Variants in WBP1L observed in about 807,000 individuals in gnomAD.
WBP1L encodes the protein WW domain binding protein 1 like, also known as WW domain binding protein 1-like.
Under a neutral mutation model 33.7 loss-of-function variants are expected in WBP1L, and 17 were observed. That is an observed-to-expected ratio of 0.50 (90% CI 0.34 to 0.76). The LOEUF is 0.76. Among genes scored for constraint, WBP1L ranks in the 30% least tolerant of loss-of-function variants. The probability of loss-of-function intolerance (pLI) is 0.01; values close to 1 mark genes in which losing one functional copy is unlikely to be tolerated. For synonymous variants in WBP1L, 173 were observed against 190.8 expected, an observed-to-expected ratio of 0.91 and a Z score of 0.77; for missense variants, 389 against 469.4, an observed-to-expected ratio of 0.83 and a Z score of 1.58.
intron 1 of WBP1L, among the ~76,000 whole-genome samples, chr10:102,745,992 G>A (rs1342063652): frequency 6.6e-6 from 1 of 152,178 alleles, no homozygotes; most frequent in Non-Finnish European, 1.5e-5. Flanking sequence ...GCACATGTCT[G>A]TTTCTGTAAG....
rs1301583697 is a variant in WBP1L, at chr10:102,814,061, AAC to A, written c.*732_*733del. 1 of 152,210 alleles carries A rather than the reference AAC, an allele frequency of 6.6e-6. No homozygotes were observed. The highest frequency in any genetic ancestry group is 2.4e-5 in the African/African-American group (1 of 41,458). The allele number at this position is 152,210 out of a possible 1,614,324, so 9.4% of individuals were successfully genotyped here. ...TTGTTTGTTTGTTTTTTTCTCTAAA[AAC>A]AAACAGCAAAAGACAGCTGAAAACA... On this transcript the variant is annotated 3_prime_UTR_variant, in exon 4 of 4. Coordinates refer to ENST00000448841, the MANE Select transcript of WBP1L (RefSeq NM_001083913.2).
chr10:102,753,685 G>A (rs1842944859), intron 1 of WBP1L, among the ~76,000 whole-genome samples: 1 of 152,122 alleles, frequency 6.6e-6, no homozygotes. Flanking sequence ...TCTGCTCCTG[G>A]TGCTGTCGTC....
In WBP1L at chr10:102,809,876, C is replaced by A; in HGVS notation, c.194-17C>A. ...ACTCACTGTGTGCCTCTCTGTCTTG[C>A]CTTGCCCACCCCCCAGGGTTCTGGC... On this transcript the variant is annotated splice_polypyrimidine_tract_variant and intron_variant, in intron 2 of 3. Transcript: ENST00000448841. 1 of 1,602,292 alleles carries A rather than the reference C, an allele frequency of 6.2e-7. No individual in the cohort carries two copies.
chr10:102,788,242 C>T (rs1336054552), intron 1 of WBP1L, among the ~76,000 whole-genome samples: 3 of 150,866 alleles, frequency 2.0e-5, no homozygotes, highest in Non-Finnish European at 4.4e-5. Context: ...CATTCTCCTG[C>T]CTCAGCCTCC....
Position 102,813,193 on chromosome 10 carries a change from A to T in WBP1L, c.954A>T (p.Glu318Asp), listed in dbSNP as rs1397205853. The T allele has an allele frequency of 6.2e-7, 1 of 1,613,708 alleles. No homozygotes were observed. The highest frequency in any genetic ancestry group is 8.5e-7 in the Non-Finnish European group (1 of 1,180,012). The change falls in exon 4 of 4, where the codon GAA (glutamate) becomes GAT (aspartate). Residue 318 changes from glutamate to aspartate, a missense_variant. Glu to Asp is a conservative substitution (Grantham distance 45). Coordinates refer to ENST00000448841, the MANE Select transcript of WBP1L (RefSeq NM_001083913.2). ...CHVRPPGDEE[E>D]GLCQSSEEQA... ...TGCGGCCCCCTGGTGATGAGGAGGA[A>T]GGCCTCTGTCAGTCCTCTGAGGAGC...
At chr10:102,761,053 AT>A (rs1427035164) in intron 1 of WBP1L, among the ~76,000 whole-genome samples, 2 of 147,656 alleles carry the variant, frequency 1.4e-5, no homozygotes, top group Admixed American at 6.7e-5. Context: ...CACCTGGCTA[AT>A]TTTTTTTTAT....
In WBP1L at chr10:102,744,024, C is replaced by T; in HGVS notation, c.-30C>T. On this transcript the variant is annotated 5_prime_UTR_variant, in exon 1 of 4. Transcript: ENST00000448841. ...GAGGAGGAGGAGGGAGGTGGCGGCG[C>T]CGTGGCGGAGGAGCAGGAGCAGGAG... 3 of 1,509,424 alleles carry T rather than the reference C, an allele frequency of 2.0e-6. No individual in the cohort carries two copies. Among genetic ancestry groups the T allele is most frequent in the Non-Finnish European group, 2.7e-6 (3 of 1,112,904 alleles). 93.5% of individuals were successfully genotyped at this position (1,509,424 alleles called of 1,614,324 possible).
chr10:102,745,128 A>G (rs1425109789), intron 1 of WBP1L, among the ~76,000 whole-genome samples: 2 of 152,228 alleles, frequency 1.3e-5, no homozygotes, highest in Non-Finnish European at 2.9e-5. Flanking sequence ...ACATAGACGC[A>G]TAGCGTAGTG....
rs182134104 is a variant in WBP1L, at chr10:102,799,760, C to T, written c.193+1665C>T. ...CGCCTTTCCCCTTTCTCATCCCCCC[C>T]ATCAACCCCTGTGTCAGTGATATGG... On this transcript the variant is annotated intron_variant, in intron 2 of 3. Coordinates refer to ENST00000448841, the MANE Select transcript of WBP1L (RefSeq NM_001083913.2). 1.6e-4 allele frequency among the ~76,000 whole-genome samples: 25 copies of T among 152,276 alleles called. No homozygotes were observed. In the East Asian group the frequency reaches 4.8e-3, roughly 29 times the overall value.
chr10:102,799,759 C>T (rs548238618), intron 2 of WBP1L, among the ~76,000 whole-genome samples: 1 of 152,130 alleles, frequency 6.6e-6, no homozygotes, highest in African/African-American at 2.4e-5. Context: ...CTCATCCCCC[C>T]CATCAACCCC....
intron 1 of WBP1L, among the ~76,000 whole-genome samples, chr10:102,752,338 G>A (rs2249845): frequency 0.28 from 42,199 of 151,924 alleles, 6,135 homozygotes; most frequent in Admixed American, 0.3. Flanking sequence ...GAACAACATA[G>A]CATTGTGAAG....
chr10:102,757,922 G>C (rs1842997569), intron 1 of WBP1L, among the ~76,000 whole-genome samples: 1 of 112,960 alleles, frequency 8.9e-6, no homozygotes. Context: ...GTCTCACTCT[G>C]TCACCCAGGC....
At position 102,776,137 on chromosome 10, in the gene WBP1L, G is replaced by A. The variant is rs149868446; in HGVS notation, c.91-21856G>A. The A allele has an allele frequency of 1.7e-3, 2,396 of 1,376,956 alleles. 36 individuals are homozygous for A. In the African/African-American group the frequency reaches 0.031, roughly 18 times the overall value. The allele number at this position is 1,376,956 out of a possible 1,614,324, so 85.3% of individuals were successfully genotyped here. The stretch of plus-strand genomic sequence containing the variant: ...CATTTCCCCCTTGGCAGACAGCTTC[G>A]GCTTTGCTGCGTCTGAGATATGTCA... On this transcript the variant is annotated intron_variant, in intron 1 of 3. Coordinates refer to ENST00000448841, the MANE Select transcript of WBP1L (RefSeq NM_001083913.2).
chr10:102,813,467 C>T lies in WBP1L; in HGVS notation c.*136C>T. On this transcript the variant is annotated 3_prime_UTR_variant, in exon 4 of 4. Transcript: ENST00000448841. ...CCTTTTTGTTTGTTTTCCTTCTCCT[C>T]TCCTGCATTTTCCTCCATCTCCAGG... 1 of 1,225,312 alleles carries T rather than the reference C, an allele frequency of 8.2e-7. No homozygotes were observed. The highest frequency in any genetic ancestry group is 1.6e-5 in the South Asian group (1 of 62,938). The allele number at this position is 1,225,312 out of a possible 1,614,324, so 75.9% of individuals were successfully genotyped here.
chr10:102,746,148 T>G, intron 1 of WBP1L: 1 of 985,384 alleles, frequency 1.0e-6, no homozygotes, highest in Non-Finnish European at 1.2e-6. Flanking sequence ...AAGTGGAGGT[T>G]CCTACCAGGT....
At chr10:102,771,762 C>G (rs1281385760) in intron 1 of WBP1L, among the ~76,000 whole-genome samples, 1 of 149,664 alleles carries the variant, frequency 6.7e-6, no homozygotes, top group African/African-American at 2.5e-5. Context: ...GAGCCAAGAT[C>G]GTGCCACCAC....
intron 1 of WBP1L, among the ~76,000 whole-genome samples, chr10:102,767,508 G>A (rs1462385099): frequency 6.6e-6 from 1 of 152,002 alleles, no homozygotes; most frequent in Non-Finnish European, 1.5e-5. Context: ...ACCCCAGCCA[G>A]GGCAACATAA....
chr10:102,804,421 A>ATTT (rs1843703307), intron 2 of WBP1L, among the ~76,000 whole-genome samples: 4 of 99,540 alleles, frequency 4.0e-5, no homozygotes, highest in Non-Finnish European at 2.2e-5. Flanking sequence ...TTTTTTTTTA[A>ATTT]AAAAAAAATT....
intron 2 of WBP1L, among the ~76,000 whole-genome samples, chr10:102,801,161 G>C (rs1843652477): frequency 6.6e-6 from 1 of 152,160 alleles, no homozygotes; most frequent in African/African-American, 2.4e-5. Flanking sequence ...ACCCAAACCA[G>C]TTATTGGGCC....
Sources: allele counts gnomAD v4.1 joint callset (sites outside exome capture counted in the v4.1 genomes callset), GRCh38; gene constraint gnomAD v4.1.1; transcripts MANE v1.5; gene names NCBI Gene and HGNC (gene_info 2026-07-23, HGNC 2026-07-21).